The following GRM3 variants were observed in gnomAD, a reference collection of about 807,000 sequenced individuals.
The protein encoded by GRM3 is glutamate metabotropic receptor 3, also known as metabotropic glutamate receptor 3.
Under a neutral mutation model 70.5 loss-of-function variants are expected in GRM3, and 26 were observed. The observed-to-expected ratio is 0.37, with a 90% CI of 0.27 to 0.51. The LOEUF (loss-of-function observed/expected upper bound fraction) is 0.51, where lower values mean the gene tolerates loss of function less well. Among genes scored for constraint, GRM3 ranks in the 20% least tolerant of loss-of-function variants. The pLI is 0.93. For synonymous variants in GRM3, 443 were observed against 434.9 expected, an observed-to-expected ratio of 1.02 and a Z score of -0.23; for missense variants, 859 against 1,123.8, an observed-to-expected ratio of 0.76 and a Z score of 3.37.
intron 3 of GRM3, among the ~76,000 whole-genome samples, chr7:86,830,477 T>A (rs1037695118): frequency 2.6e-5 from 4 of 152,190 alleles, no homozygotes; most frequent in Non-Finnish European, 4.4e-5. Flanking sequence ...GATAGAACAT[T>A]GTTTATATAA....
chr7:86,745,029 G>A (rs1482499513), intron 1 of GRM3, among the ~76,000 whole-genome samples: 1 of 152,002 alleles, frequency 6.6e-6, no homozygotes, highest in Non-Finnish European at 1.5e-5. Context: ...GCTGATTTAT[G>A]ATGTGGAACA....
intron 1 of GRM3, among the ~76,000 whole-genome samples, chr7:86,664,731 G>A (rs1793981407): frequency 6.6e-6 from 1 of 151,958 alleles, no homozygotes; most frequent in Admixed American, 6.6e-5. Context: ...GTTTGGCTGA[G>A]AAGCTCATAG....
chr7:86,771,627 A>G (rs1190583872), intron 2 of GRM3, among the ~76,000 whole-genome samples: 1 of 152,098 alleles, frequency 6.6e-6, no homozygotes, highest in Non-Finnish European at 1.5e-5. Flanking sequence ...AACATAAAAT[A>G]CAATTTTAAA....
At chr7:86,855,290 G>A (rs1562883520) in intron 5 of GRM3, among the ~76,000 whole-genome samples, 1 of 152,174 alleles carries the variant, frequency 6.6e-6, no homozygotes, top group Non-Finnish European at 1.5e-5. Flanking sequence ...CCCTATAGGA[G>A]TCATGCAGGT....
At chr7:86,838,813 T>A in intron 3 of GRM3, 26 bp from the exon 4 acceptor site, 1 of 1,374,420 alleles carries the variant, frequency 7.3e-7, no homozygotes, top group Non-Finnish European at 1.0e-6. Context: ...AGTGTTCTTT[T>A]TTTTCTTTCA....
At position 86,644,768 on chromosome 7, in the gene GRM3, G is replaced by T. The variant is rs538084315; in HGVS notation, c.-245G>T. 19 of 1,286,724 alleles carry T rather than the reference G, an allele frequency of 1.5e-5. No individual in the cohort carries two copies. Among genetic ancestry groups the T allele is most frequent in the Non-Finnish European group, 1.7e-5 (17 of 986,120 alleles). The allele number at this position is 1,286,724 out of a possible 1,614,324, so 79.7% of individuals were successfully genotyped here. On this transcript the variant is annotated 5_prime_UTR_variant, in exon 1 of 6. Transcript: ENST00000361669. ...AAAGCCAGTAAGCTACCTCTTTTGT[G>T]TCGGATGAGGAGGACCAACCATGAG...
intron 1 of GRM3, among the ~76,000 whole-genome samples, chr7:86,753,368 T>C (rs1382642625): frequency 6.6e-6 from 1 of 152,178 alleles, no homozygotes; most frequent in African/African-American, 2.4e-5. Flanking sequence ...GGCCATGTGC[T>C]GACATCATGA....
chr7:86,840,017 A>C, intron 4 of GRM3, 112 bp downstream of exon 4: 1 of 660,190 alleles, frequency 1.5e-6, no homozygotes, highest in Non-Finnish European at 2.7e-6. Context: ...GTAATTTCAA[A>C]TGCCATGATG....
At chr7:86,785,429 T>A (rs1453307159) in intron 2 of GRM3, among the ~76,000 whole-genome samples, 1 of 152,118 alleles carries the variant, frequency 6.6e-6, no homozygotes, top group Admixed American at 6.5e-5. Flanking sequence ...TTATAAAAAA[T>A]TTAAATATTT....
chr7:86,698,625 C>T (rs369001652), intron 1 of GRM3, among the ~76,000 whole-genome samples: 1 of 149,674 alleles, frequency 6.7e-6, no homozygotes, highest in African/African-American at 2.5e-5. Flanking sequence ...AGCTTGGAAC[C>T]CCAATGCACA....
At chr7:86,711,136 G>A (rs1795189650) in intron 1 of GRM3, among the ~76,000 whole-genome samples, 1 of 151,410 alleles carries the variant, frequency 6.6e-6, no homozygotes, top group Non-Finnish European at 1.5e-5. Context: ...CTTGTAGTAG[G>A]GGCTCAATAT....
chr7:86,729,465 TGTTA>T (rs1248762635), intron 1 of GRM3, among the ~76,000 whole-genome samples: 3 of 152,226 alleles, frequency 2.0e-5, no homozygotes, highest in African/African-American at 7.2e-5. Context: ...TTGAACAAAA[TGTTA>T]GTTTATGCTT....
intron 2 of GRM3, among the ~76,000 whole-genome samples, chr7:86,780,751 C>T (rs1295738377): frequency 6.6e-6 from 1 of 152,148 alleles, no homozygotes; most frequent in African/African-American, 2.4e-5. Flanking sequence ...CTTAGACTAT[C>T]ATTGTTATCT....
At chr7:86,677,390 T>G (rs1170299266) in intron 1 of GRM3, among the ~76,000 whole-genome samples, 1 of 152,024 alleles carries the variant, frequency 6.6e-6, no homozygotes, top group African/African-American at 2.4e-5. Context: ...TACCATCATC[T>G]TCTGGAGACC....
chr7:86,730,939 T>C (rs950770150), intron 1 of GRM3, among the ~76,000 whole-genome samples: 1 of 152,186 alleles, frequency 6.6e-6, no homozygotes, highest in African/African-American at 2.4e-5. Flanking sequence ...CCTCCTTCTA[T>C]GACTACCCTT....
chr7:86,652,482 C>T (rs1793631811), intron 1 of GRM3, among the ~76,000 whole-genome samples: 1 of 152,122 alleles, frequency 6.6e-6, no homozygotes, highest in Non-Finnish European at 1.5e-5. Flanking sequence ...AGCCGCCCGC[C>T]ACCACGCCCA....
intron 1 of GRM3, among the ~76,000 whole-genome samples, chr7:86,759,712 A>T (rs900240409): frequency 6.6e-6 from 1 of 152,176 alleles, no homozygotes; most frequent in African/African-American, 2.4e-5. Flanking sequence ...AAATGAAGGA[A>T]CCCCTTACAG....
rs143259061 is a variant in GRM3, at chr7:86,665,212, G to A, written c.-141+20340G>A. ...AAATGAGGTAAAGTAAATGAACATC[G>A]CATGTGCTCTGGGAGAACGTGTTAT... On this transcript the variant is annotated intron_variant, in intron 1 of 5. Coordinates refer to ENST00000361669, the MANE Select transcript of GRM3 (RefSeq NM_000840.3). 2.3e-3 allele frequency among the ~76,000 whole-genome samples: 354 copies of A among 151,980 alleles called. 1 individual carries two copies. Among genetic ancestry groups the A allele is most frequent in the African/African-American group, 7.8e-3 (325 of 41,474 alleles).
chr7:86,798,865 G>A (rs917732002), intron 3 of GRM3, among the ~76,000 whole-genome samples: 2 of 140,466 alleles, frequency 1.4e-5, no homozygotes, highest in African/African-American at 5.5e-5. Flanking sequence ...TTATAAAGGA[G>A]AGTTCCCCTC....
Sources: gnomAD v4.1 joint callset for allele counts (sites outside exome capture counted in the v4.1 genomes callset) on GRCh38, gnomAD v4.1.1 for gene constraint, MANE v1.5 for transcripts, NCBI Gene and HGNC (gene_info 2026-07-23, HGNC 2026-07-21) for gene names.